SLAMF9: variants seen among roughly 807,000 people sequenced by gnomAD.
SLAMF9 encodes the protein CD2 family member 10.
In SLAMF9, 25 loss-of-function variants were observed where a neutral mutation model predicts 30.4. The observed-to-expected ratio is 0.82, with a 90% confidence interval of 0.60 to 1.15. The LOEUF is 1.15. Ranked by LOEUF, SLAMF9 falls within the 50% of genes most tolerant of loss-of-function variation. The pLI is 0.00. For missense variants in SLAMF9, 344 were observed against 346.1 expected (o/e 0.99, Z 0.05); for synonymous variants, 129 against 127.2 (o/e 1.01, Z -0.09).
At chr1:159,983,401 G>A in the SLAMF9 span, 2 of 152,140 alleles carry the variant, frequency 1.3e-5, no homozygotes, top group Non-Finnish European at 2.9e-5. Flanking sequence ...AGGGGGACAG[G>A]GAAAGTCCCC....
At chr1:159,965,169 C>G in the SLAMF9 span, among the ~76,000 whole-genome samples, 9 of 152,156 alleles carry the variant, frequency 5.9e-5, no homozygotes, top group Non-Finnish European at 1.0e-4. Context: ...CAGGAAAACG[C>G]GAAGCTTACA....
chr1:159,961,824 G>A, the SLAMF9 span, among the ~76,000 whole-genome samples: 1 of 152,132 alleles, frequency 6.6e-6, no homozygotes, highest in Non-Finnish European at 1.5e-5. Flanking sequence ...CGCTCACTGG[G>A]GGCGTATAGA....
the SLAMF9 span, among the ~76,000 whole-genome samples, chr1:159,966,333 A>G: frequency 1.3e-5 from 2 of 152,186 alleles, no homozygotes; most frequent in South Asian, 2.1e-4. Context: ...TATACACCTC[A>G]TTTTCTTTAT....
the SLAMF9 span, among the ~76,000 whole-genome samples, chr1:159,980,018 G>A: frequency 6.6e-6 from 1 of 152,348 alleles, no homozygotes; most frequent in East Asian, 1.9e-4. Flanking sequence ...GGCGTGGGGA[G>A]TTAGAGGAAA....
At chr1:159,956,679 A>G (rs559489386), upstream of SLAMF9, among the ~76,000 whole-genome samples, 58 of 151,994 alleles carry the variant, frequency 3.8e-4, no homozygotes, top group African/African-American at 1.3e-3. Context: ...AAAGCAAAAC[A>G]AAACAAAACA....
intron 3 of SLAMF9, 22 bp from the exon 4 acceptor site, chr1:159,951,888 A>C (rs774559723): frequency 6.2e-7 from 1 of 1,608,858 alleles, no homozygotes; most frequent in Non-Finnish European, 8.5e-7. Flanking sequence ...GAAAGGAGGA[A>C]AGGGCCCATC....
At chr1:159,977,012 G>C in the SLAMF9 span, 1 of 150,480 alleles carries the variant, frequency 6.6e-6, no homozygotes, top group South Asian at 2.1e-4. Flanking sequence ...GAAAGAGAAA[G>C]AAAGAAAAGA....
At chr1:159,955,329 A>G (rs1004037607), upstream of SLAMF9, among the ~76,000 whole-genome samples, 1 of 152,192 alleles carries the variant, frequency 6.6e-6, no homozygotes, top group Non-Finnish European at 1.5e-5. Context: ...ATTCAAGCTA[A>G]GAGGACAATC....
At chr1:159,978,075 A>C in the SLAMF9 span, among the ~76,000 whole-genome samples, 1 of 151,980 alleles carries the variant, frequency 6.6e-6, no homozygotes, top group East Asian at 1.9e-4. Flanking sequence ...GCCCCACCCC[A>C]CCAGGTCATA....
upstream of SLAMF9, among the ~76,000 whole-genome samples, chr1:159,958,647 T>C (rs1010914621): frequency 5.3e-5 from 8 of 151,962 alleles, no homozygotes; most frequent in African/African-American, 9.7e-5. Context: ...TTTTTTTTTA[T>C]AGAGATGGGA....
the SLAMF9 span, chr1:159,983,037 A>G: frequency 1.3e-5 from 2 of 152,216 alleles, no homozygotes; most frequent in Non-Finnish European, 2.9e-5. Context: ...CAAAAAAATA[A>G]AAAAAGAAAA....
upstream of SLAMF9, among the ~76,000 whole-genome samples, chr1:159,956,815 G>A (rs1651930771): frequency 6.6e-6 from 1 of 152,096 alleles, no homozygotes; most frequent in South Asian, 2.1e-4. Context: ...ACTTAATGTG[G>A]AATGTATAAA....
At chr1:159,976,663 T>C in the SLAMF9 span, 1 of 152,122 alleles carries the variant, frequency 6.6e-6, no homozygotes, top group East Asian at 1.9e-4. Flanking sequence ...TAAACCTCTC[T>C]TTCTTGAAGT....
At chr1:159,966,759 C>T in the SLAMF9 span, among the ~76,000 whole-genome samples, 1 of 152,006 alleles carries the variant, frequency 6.6e-6, no homozygotes, top group Non-Finnish European at 1.5e-5. Flanking sequence ...CATTTGTATG[C>T]CTTCTTTTGA....
the SLAMF9 span, among the ~76,000 whole-genome samples, chr1:159,977,689 T>G: frequency 6.6e-6 from 1 of 152,104 alleles, no homozygotes; most frequent in African/African-American, 2.4e-5. Context: ...ACCCTGAGGC[T>G]TTCTCGCCTA....
chr1:159,953,199 A>G, intron 2 of SLAMF9, 110 bp downstream of exon 2: 1 of 858,392 alleles, frequency 1.2e-6, no homozygotes, highest in South Asian at 1.7e-5. Flanking sequence ...GTCTGCCTCC[A>G]GTTCTAGCCC....
At chr1:159,956,685 A>AAACAAC (rs1553229581), upstream of SLAMF9, among the ~76,000 whole-genome samples, 1 of 152,110 alleles carries the variant, frequency 6.6e-6, no homozygotes, top group African/African-American at 2.4e-5. Context: ...AAACAAAACA[A>AAACAAC]AACAACAACA....
At position 159,952,505 on chromosome 1, in the gene SLAMF9, T is replaced by C. The variant is rs781575300; in HGVS notation, c.421A>G (p.Asn141Asp). 1.4e-5 allele frequency: 22 copies of C among 1,613,844 alleles called. No individual in the cohort carries two copies. ...GCACCTTCCCCAGAACTCTCAAAGT[T>C]CACAGTGATCTGGGGCTCTGACAGC... ...RWLSEPQITVNFESSGEGACS... is the reference protein window; with the variant it reads ...RWLSEPQITVDFESSGEGACS... The change falls in exon 3 of 4, where the codon AAC becomes GAC. Residue 141 changes from asparagine to aspartate, a missense_variant. Physicochemically the swap from Asn to Asp is conservative, Grantham distance 23. Coordinates refer to ENST00000368093, the MANE Select transcript of SLAMF9 (RefSeq NM_033438.4).
chr1:159,980,774 C>T, the SLAMF9 span: 1,657 of 152,680 alleles, frequency 0.011, 13 homozygotes, highest in South Asian at 0.032. Flanking sequence ...CTCCCGATCT[C>T]AGATGATCCA....
Sources: allele counts gnomAD v4.1 joint callset (sites outside exome capture counted in the v4.1 genomes callset), GRCh38; gene constraint gnomAD v4.1.1; transcripts MANE v1.5; gene names NCBI Gene and HGNC (gene_info 2026-07-23, HGNC 2026-07-21).